EPCIP: variants seen among roughly 807,000 people sequenced by gnomAD.
The protein encoded by EPCIP is exosomal polycystin-1-interacting protein.
the EPCIP span, chr21:32,807,775 TG>T: frequency 6.6e-6 from 1 of 152,244 alleles, no homozygotes; most frequent in African/African-American, 2.4e-5. Flanking sequence ...GGTGGGAATT[TG>T]AGCTTACTCT....
chr21:32,795,483 C>T, the EPCIP span, among the ~76,000 whole-genome samples: 1 of 152,274 alleles, frequency 6.6e-6, no homozygotes, highest in Non-Finnish European at 1.5e-5. Context: ...ATAACATTCC[C>T]CCAATGACTG....
the EPCIP span, chr21:32,793,435 G>A: frequency 8.9e-6 from 4 of 450,718 alleles, no homozygotes; most frequent in Admixed American, 3.8e-5. Context: ...AGGGTGTATT[G>A]CTTTCTCCAT....
chr21:32,805,800 T>C, the EPCIP span, among the ~76,000 whole-genome samples: 4 of 152,266 alleles, frequency 2.6e-5, no homozygotes, highest in African/African-American at 9.6e-5. Context: ...GCTAATTACA[T>C]TATGTGGTTT....
the EPCIP span, among the ~76,000 whole-genome samples, chr21:32,792,681 C>G: frequency 6.6e-6 from 1 of 152,098 alleles, no homozygotes; most frequent in African/African-American, 2.4e-5. Flanking sequence ...GTGCTCTAAG[C>G]AAAATTTTGA....
chr21:32,799,566 G>T, the EPCIP span, among the ~76,000 whole-genome samples: 1 of 152,128 alleles, frequency 6.6e-6, no homozygotes, highest in African/African-American at 2.4e-5. Context: ...TCTTGCCAGG[G>T]CATCTTCTCA....
the EPCIP span, chr21:32,813,626 A>G: frequency 2.1e-6 from 1 of 471,052 alleles, no homozygotes; most frequent in South Asian, 1.5e-5. Context: ...TCGCCTCTCC[A>G]CTCCACAGAC....
chr21:32,813,592 A>C, the EPCIP span: 1 of 471,010 alleles, frequency 2.1e-6, no homozygotes, highest in African/African-American at 2.0e-5. Context: ...AATTACTTAC[A>C]TCTGAGAGTT....
the EPCIP span, among the ~76,000 whole-genome samples, chr21:32,808,988 T>C: frequency 1.3e-5 from 2 of 152,072 alleles, no homozygotes; most frequent in African/African-American, 4.8e-5. Context: ...CATGAAATAG[T>C]GTCTAGGCAC....
the EPCIP span, chr21:32,807,681 A>C: frequency 6.6e-6 from 1 of 152,200 alleles, no homozygotes; most frequent in Non-Finnish European, 1.5e-5. Context: ...CGCAGGCAAA[A>C]TTCATATTCT....
At chr21:32,792,499 C>T in the EPCIP span, among the ~76,000 whole-genome samples, 1 of 152,034 alleles carries the variant, frequency 6.6e-6, no homozygotes, top group African/African-American at 2.4e-5. Context: ...GAATGGTATT[C>T]ATCTAAGTTC....
chr21:32,794,281 C>T, the EPCIP span: 30 of 1,614,120 alleles, frequency 1.9e-5, no homozygotes, highest in East Asian at 2.2e-4. Flanking sequence ...CCCGGATGTC[C>T]GCAGAACAGC....
the EPCIP span, among the ~76,000 whole-genome samples, chr21:32,800,633 C>T: frequency 7.9e-5 from 12 of 152,122 alleles, no homozygotes; most frequent in African/African-American, 1.9e-4. Context: ...CTGACCAATG[C>T]GGTGAAACCC....
At chr21:32,810,782 CA>C in the EPCIP span, 1 of 408,264 alleles carries the variant, frequency 2.4e-6, no homozygotes, top group Non-Finnish European at 5.0e-6. Context: ...TAGACATCTC[CA>C]ACTTAACATG....
At chr21:32,803,292 C>T in the EPCIP span, among the ~76,000 whole-genome samples, 2 of 152,214 alleles carry the variant, frequency 1.3e-5, no homozygotes, top group African/African-American at 4.8e-5. Flanking sequence ...CACTGTAAGC[C>T]TTATGGCTAC....
At chr21:32,808,707 T>C in the EPCIP span, among the ~76,000 whole-genome samples, 8 of 152,248 alleles carry the variant, frequency 5.3e-5, no homozygotes, top group African/African-American at 1.9e-4. Flanking sequence ...ATCTGAATAA[T>C]GTTTGGACTT....
At chr21:32,804,160 T>C in the EPCIP span, among the ~76,000 whole-genome samples, 3 of 152,072 alleles carry the variant, frequency 2.0e-5, no homozygotes, top group African/African-American at 7.2e-5. Flanking sequence ...CATGTTGAAC[T>C]CACTAGTATA....
the EPCIP span, chr21:32,798,741 A>G: frequency 1.5e-4 from 23 of 152,204 alleles, no homozygotes; most frequent in African/African-American, 4.3e-4. Flanking sequence ...AGACAGGCAG[A>G]TCGCTTCAGC....
At chr21:32,790,881 A>C in the EPCIP span, 1 of 152,230 alleles carries the variant, frequency 6.6e-6, no homozygotes, top group Non-Finnish European at 1.5e-5. Flanking sequence ...ATTTAAAACA[A>C]ACAAACAAAA....
the EPCIP span, among the ~76,000 whole-genome samples, chr21:32,800,775 C>T: frequency 3.2e-4 from 48 of 151,200 alleles, no homozygotes; most frequent in Admixed American, 3.0e-3. Flanking sequence ...GAGATCGCGC[C>T]ATTGCACTCC....
Sources: gnomAD v4.1 joint callset for allele counts (sites outside exome capture counted in the v4.1 genomes callset) on GRCh38, gnomAD v4.1.1 for gene constraint, MANE v1.5 for transcripts, NCBI Gene and HGNC (gene_info 2026-07-23, HGNC 2026-07-21) for gene names.